The following SLC6A16 variants were observed in gnomAD, a reference collection of about 807,000 sequenced individuals.
SLC6A16 encodes solute carrier family 6 member 16.
Under a neutral mutation model 65.4 loss-of-function variants are expected in SLC6A16, and 54 were observed. The ratio of observed to expected loss-of-function variants is 0.83; its 90% CI spans 0.66 to 1.04. The LOEUF is 1.04. Among genes scored for constraint, SLC6A16 ranks in the 50% least tolerant of loss-of-function variants. The pLI, the probability that SLC6A16 is intolerant of heterozygous loss-of-function variation, is 0.00. For missense variants in SLC6A16, 816 were observed against 914.0 expected (o/e 0.89, Z 1.38); for synonymous variants, 330 against 346.5 (o/e 0.95, Z 0.53).
the SLC6A16 span, chr19:49,337,322 G>A: frequency 3.5e-6 from 4 of 1,144,020 alleles, no homozygotes; most frequent in South Asian, 1.2e-5. Flanking sequence ...GCAGACAGGG[G>A]CTAACCTAGA....
At chr19:49,295,321 A>C (rs539607091) in intron 7 of SLC6A16, among the ~76,000 whole-genome samples, 16 of 152,034 alleles carry the variant, frequency 1.1e-4, no homozygotes, top group African/African-American at 3.9e-4. Flanking sequence ...CAGAGGTTGC[A>C]GTGAGCCGAG....
chr19:49,329,778 G>A (rs962953245), upstream of SLC6A16, among the ~76,000 whole-genome samples: 6 of 151,462 alleles, frequency 4.0e-5, no homozygotes, highest in South Asian at 6.3e-4. Flanking sequence ...GACTACAGGC[G>A]CCCGCCACTA....
chr19:49,331,943 C>G, the SLC6A16 span: 9 of 452,204 alleles, frequency 2.0e-5, no homozygotes, highest in East Asian at 6.3e-4. Flanking sequence ...GTACTCATCT[C>G]TGAGGAGGGA....
At chr19:49,309,505 G>T in intron 5 of SLC6A16, 94 bp from the exon 6 acceptor site, 1 of 1,272,698 alleles carries the variant, frequency 7.9e-7, no homozygotes, top group African/African-American at 1.5e-5. Context: ...GAAATGAGTA[G>T]GAGTTAGAAG....
the SLC6A16 span, chr19:49,332,358 C>A: frequency 2.2e-6 from 1 of 447,746 alleles, no homozygotes; most frequent in Non-Finnish European, 4.5e-6. Flanking sequence ...AATTCAAGAC[C>A]AGCCTGGCCA....
rs1355318415 is a variant in SLC6A16 at position 49,290,882 on chromosome 19, TTCATC to T, written c.1779-120_1779-116del. On this transcript the variant is annotated intron_variant, in intron 10 of 11. Coordinates refer to ENST00000335875, the MANE Select transcript of SLC6A16 (RefSeq NM_014037.3). ...TTCTATTGTATCTCTAATCTCCTGT[TTCATC>T]TCAAGTCTTGTCCTCTCTCATCTTC... The T allele has an allele frequency of 4.5e-6, 4 of 886,708 alleles. No homozygotes were observed. In the African/African-American group the frequency reaches 6.8e-5, roughly 15 times the overall value. The allele number at this position is 886,708 out of a possible 1,614,324, so 54.9% of individuals were successfully genotyped here.
the SLC6A16 span, among the ~76,000 whole-genome samples, chr19:49,331,204 A>G: frequency 6.6e-6 from 1 of 151,718 alleles, no homozygotes; most frequent in East Asian, 1.9e-4. Context: ...TTTCCCCTGT[A>G]GGGTCTTGCT....
chr19:49,337,823 C>G, the SLC6A16 span: 5 of 1,579,536 alleles, frequency 3.2e-6, no homozygotes, highest in African/African-American at 2.7e-5. Context: ...GGATTTGAGA[C>G]TGGCCCAGAG....
At chr19:49,307,460 A>T (rs1970413496) in intron 7 of SLC6A16, among the ~76,000 whole-genome samples, 1 of 152,060 alleles carries the variant, frequency 6.6e-6, no homozygotes. Flanking sequence ...TATGCTGTCA[A>T]GAACTCTTGC....
chr19:49,337,303 G>C, the SLC6A16 span: 2 of 1,358,730 alleles, frequency 1.5e-6, no homozygotes, highest in Non-Finnish European at 2.1e-6. Flanking sequence ...GAGAGAGACC[G>C]AAACAAGGGC....
intron 6 of SLC6A16, 52 bp downstream of exon 6, chr19:49,309,249 C>T (rs1970458475): frequency 6.4e-6 from 10 of 1,570,052 alleles, no homozygotes; most frequent in African/African-American, 1.4e-5. Context: ...TAAGAATAGG[C>T]AGCTGTGGTG....
chr19:49,319,370 T>G (rs974337018), intron 1 of SLC6A16, among the ~76,000 whole-genome samples: 1 of 151,754 alleles, frequency 6.6e-6, no homozygotes, highest in Non-Finnish European at 1.5e-5. Flanking sequence ...GACCAAGTAC[T>G]CTTCTTTACT....
intron 1 of SLC6A16, among the ~76,000 whole-genome samples, chr19:49,320,504 C>T (rs353985): frequency 0.43 from 64,334 of 150,824 alleles, 14,828 homozygotes; most frequent in Admixed American, 0.55. Flanking sequence ...AAACCCAAAG[C>T]TAGCAGAAGA....
intron 1 of SLC6A16, among the ~76,000 whole-genome samples, chr19:49,319,976 G>A (rs568349578): frequency 6.6e-6 from 1 of 152,042 alleles, no homozygotes; most frequent in Non-Finnish European, 1.5e-5. Flanking sequence ...AACAACCAAT[G>A]GATCAAAGAA....
At chr19:49,334,941 C>G in the SLC6A16 span, among the ~76,000 whole-genome samples, 4 of 151,838 alleles carry the variant, frequency 2.6e-5, no homozygotes, top group African/African-American at 9.7e-5. Context: ...ATAGAGACCC[C>G]AGGAGGCAGG....
In SLC6A16 at chr19:49,290,407, G is replaced by A. The variant is rs144404052; in HGVS notation, c.1942-15C>T. 1.1e-5 allele frequency: 18 copies of A among 1,603,834 alleles called. No homozygotes were observed. In the East Asian group the frequency reaches 3.8e-4, roughly 34 times the overall value. The stretch of plus-strand genomic sequence containing the variant: ...ACCTCTTTTGACTGTGGAGAGATGG[G>A]AAAAGGGTTCAGAATATCAAAATCC... On this transcript the variant is annotated splice_polypyrimidine_tract_variant and intron_variant, in intron 11 of 11. Transcript: ENST00000335875.
At chr19:49,334,404 C>G in the SLC6A16 span, among the ~76,000 whole-genome samples, 4 of 151,232 alleles carry the variant, frequency 2.6e-5, no homozygotes, top group Non-Finnish European at 5.9e-5. Flanking sequence ...AAGGATTGCT[C>G]GAGCCTGGGA....
Position 49,309,802 on chromosome 19 carries a change from G to C in SLC6A16, c.725C>G (p.Pro242Arg), listed in dbSNP as rs540489796. 1.5e-5 allele frequency: 24 copies of C among 1,612,730 alleles called. No individual in the cohort carries two copies. In the South Asian group the frequency reaches 2.3e-4, roughly 15 times the overall value. Residue 242 changes from proline to arginine, a missense_variant, in exon 5 of 12, where the codon CCC (proline) becomes CGC (arginine). Pro to Arg is a moderately radical substitution (Grantham distance 103). Transcript: ENST00000335875. ...GFDPECERTT[P>R]SIYFWYQQAL... The stretch of plus-strand genomic sequence containing the variant: ...CTGCTGGTACCAGAAGTATATGGAG[G>C]GTGTTGTCCGTTCACATTCAGGATC...
At chr19:49,331,824 C>T in the SLC6A16 span, 2 of 457,052 alleles carry the variant, frequency 4.4e-6, no homozygotes, top group East Asian at 1.4e-4. Context: ...ATGAAGTCCT[C>T]CTGTGTGCCT....
Sources: allele counts gnomAD v4.1 joint callset (sites outside exome capture counted in the v4.1 genomes callset), GRCh38; gene constraint gnomAD v4.1.1; transcripts MANE v1.5; gene names NCBI Gene and HGNC (gene_info 2026-07-23, HGNC 2026-07-21).